KNG1: variants seen among roughly 807,000 people sequenced by gnomAD.
The protein encoded by KNG1 is kininogen 1, also known as kininogen-1.
Under a neutral mutation model 47.8 loss-of-function variants are expected in KNG1, and 23 were observed. The observed-to-expected ratio is 0.48, with a 90% CI of 0.35 to 0.68. The LOEUF is 0.68. Among genes scored for constraint, KNG1 ranks in the 30% least tolerant of loss-of-function variants. The pLI, the probability that KNG1 is intolerant of heterozygous loss-of-function variation, is 0.01. For synonymous variants in KNG1, 277 were observed against 277.0 expected, an observed-to-expected ratio of 1.00 and a Z score of 0.00; for missense variants, 762 against 790.2, an observed-to-expected ratio of 0.96 and a Z score of 0.43.
chr3:186,742,477 T>A lies in KNG1; in HGVS notation c.*146T>A. ...TAAAGAGAAGTGGTGAGACTCCCAG[T>A]GGAGACACCATCAGTCTCCACGGAC... On this transcript the variant is annotated 3_prime_UTR_variant, in exon 10 of 10. Coordinates refer to ENST00000644859, the MANE Select transcript of KNG1 (RefSeq NM_001102416.3). 1 of 1,481,542 alleles carries A rather than the reference T, an allele frequency of 6.7e-7. No individual in the cohort carries two copies. Among genetic ancestry groups the A allele is most frequent in the Non-Finnish European group, 8.9e-7 (1 of 1,123,986 alleles). The allele number at this position is 1,481,542 out of a possible 1,614,324, so 91.8% of individuals were successfully genotyped here. A position where few individuals can be genotyped will look rare whatever the true frequency, so the allele number is the denominator to read the frequency against.
chr3:186,741,565 C>T lies in KNG1; in HGVS notation c.1169C>T (p.Ser390Leu), dbSNP rs1720810759. 6.2e-7 allele frequency: 1 copy of T among 1,610,302 alleles called. No homozygotes were observed. Among genetic ancestry groups the T allele is most frequent in the Non-Finnish European group, 8.5e-7 (1 of 1,179,048 alleles). Residue 390 changes from serine to leucine, a missense_variant, in exon 10 of 10, where the codon TCA (serine) becomes TTA (leucine). Ser to Leu is a moderately radical substitution (Grantham distance 145, BLOSUM62 -2). Transcript: ENST00000644859. ...CCTCCAGGTTTTTCACCTTTCCGAT[C>T]ATCACGAATAGGGGAAATAAAAGAA... ...KRPPGFSPFR[S>L]SRIGEIKEET...
chr3:186,721,041 A>G (rs1261757755), intron 2 of KNG1, among the ~76,000 whole-genome samples: 1 of 152,010 alleles, frequency 6.6e-6, no homozygotes, highest in African/African-American at 2.4e-5. Flanking sequence ...TGCCTGCCTC[A>G]GCCTCTCAAA....
Position 186,717,523 on chromosome 3 carries a change from T to TA in KNG1, c.-19dup, listed in dbSNP as rs1010737825. 1 of 1,567,818 alleles carries TA rather than the reference T, an allele frequency of 6.4e-7. No individual in the cohort carries two copies. Among genetic ancestry groups the TA allele is most frequent in the Admixed American group, 1.7e-5 (1 of 59,948 alleles). On this transcript the variant is annotated 5_prime_UTR_variant, in exon 1 of 10. Transcript: ENST00000644859. Reference sequence around the variant, plus strand: ...CTTGGTGAAACCATCCCTCAGCTCCTAGAGGGAGATTGTTAGATCATGAAA... The same window carrying TA: ...CTTGGTGAAACCATCCCTCAGCTCCTAAGAGGGAGATTGTTAGATCATGAAA...
At chr3:186,725,543 A>AGTTTTTTTTTTTTTTTTT (rs1720336508) in intron 4 of KNG1, among the ~76,000 whole-genome samples, 3 of 87,726 alleles carry the variant, frequency 3.4e-5, no homozygotes, top group African/African-American at 4.7e-5. Flanking sequence ...CGGCCTTAGG[A>AGTTTTTTTTTTTTTTTTT]TTTTTTTTTT....
chr3:186,727,386 G>T, intron 5 of KNG1, 42 bp downstream of exon 5: 2 of 1,307,816 alleles, frequency 1.5e-6, no homozygotes, highest in Non-Finnish European at 2.2e-6. Context: ...TTAGCATTTT[G>T]TTTACATTTT....
intron 7 of KNG1, among the ~76,000 whole-genome samples, chr3:186,737,280 C>T (rs1172132281): frequency 6.6e-6 from 1 of 152,186 alleles, no homozygotes; most frequent in African/African-American, 2.4e-5. Context: ...GTTTTAACTT[C>T]TCTGAAATAC....
intron 5 of KNG1, among the ~76,000 whole-genome samples, chr3:186,731,037 G>A (rs1436680550): frequency 6.6e-6 from 1 of 151,704 alleles, no homozygotes; most frequent in East Asian, 1.9e-4. Flanking sequence ...CTATGCTTTT[G>A]AAAAATAAAA....
chr3:186,738,965 G>A lies in KNG1; in HGVS notation c.931-134G>A, dbSNP rs5030075. 2.7e-3 allele frequency: 2,056 copies of A among 753,934 alleles called. 24 individuals are homozygous for A. In the African/African-American group the frequency reaches 0.032, roughly 12 times the overall value. 46.7% of individuals were successfully genotyped at this position (753,934 alleles called of 1,614,324 possible). On this transcript the variant is annotated intron_variant, in intron 7 of 9. Coordinates refer to ENST00000644859, the MANE Select transcript of KNG1 (RefSeq NM_001102416.3). ...TGCATGCCAAGCTTTAATGCCAAAC[G>A]TGTACTTTTTTGTATGTAACTCTCT...
Position 186,743,629 on chromosome 3 carries a change from T to C in KNG1, c.*1298T>C, listed in dbSNP as rs1316013845. 8 of 1,063,996 alleles carry C rather than the reference T, an allele frequency of 7.5e-6. No individual in the cohort carries two copies. Among genetic ancestry groups the C allele is most frequent in the Non-Finnish European group, 1.2e-5 (8 of 688,186 alleles). The allele number at this position is 1,063,996 out of a possible 1,614,324, so 65.9% of individuals were successfully genotyped here. A position where few individuals can be genotyped will look rare whatever the true frequency, so the allele number is the denominator to read the frequency against. On this transcript the variant is annotated 3_prime_UTR_variant, in exon 10 of 10. Coordinates refer to ENST00000644859, the MANE Select transcript of KNG1 (RefSeq NM_001102416.3). ...CAGATGTCAGGAAAAAGTCTTACCT[T>C]GTCAACTGGTTGCTCCACTTTTTAA...
In KNG1 at chr3:186,722,468, A is replaced by T; in HGVS notation, c.338A>T (p.Lys113Met). The T allele has an allele frequency of 6.2e-7, 1 of 1,614,030 alleles. No individual in the cohort carries two copies. The highest frequency in any genetic ancestry group is 8.5e-7 in the Non-Finnish European group (1 of 1,179,940). Residue 113 changes from lysine to methionine, a missense_variant, in exon 3 of 10, where the codon AAG becomes ATG. Physicochemically the swap from Lys to Met is moderately conservative, Grantham distance 95. Coordinates refer to ENST00000644859, the MANE Select transcript of KNG1 (RefSeq NM_001102416.3). ...GGAGAATGCACGGCAACCGTGGGGA[A>T]GAGGAGCAGTACGAAATTCTCCGTG... is the stretch of plus-strand genomic sequence containing the variant. ...ATGECTATVG[K>M]RSSTKFSVAT...
chr3:186,725,208 C>T lies in KNG1; in HGVS notation c.512C>T (p.Thr171Ile). ...GGCATTCAGTACTTTAACAACAACA[C>T]TCAACATTCCTCCCTCTTCATGCTT... ...RHGIQYFNNN[T>I]QHSSLFMLNE... Residue 171 changes from threonine to isoleucine, a missense_variant, in exon 4 of 10, where the codon ACT (threonine) becomes ATT (isoleucine). Coordinates refer to ENST00000644859, the MANE Select transcript of KNG1 (RefSeq NM_001102416.3). The T allele has an allele frequency of 6.2e-7, 1 of 1,614,156 alleles. No individual in the cohort carries two copies. Among genetic ancestry groups the T allele is most frequent in the Non-Finnish European group, 8.5e-7 (1 of 1,180,026 alleles).
rs71167003 is a variant in KNG1, at chr3:186,725,543, A to ATTTTTTTTTTTTTTTTTTTT, written c.564+302_564+303insTTTTTTTTTTTTTTTTTTTT. On this transcript the variant is annotated intron_variant, in intron 4 of 9. Coordinates refer to ENST00000644859, the MANE Select transcript of KNG1 (RefSeq NM_001102416.3). ...AAGGAAAAGTCATACCGGCCTTAGG[A>ATTTTTTTTTTTTTTTTTTTT]TTTTTTTTTTTTTTTTTTTGAGACA... 2.2e-3 allele frequency among the ~76,000 whole-genome samples: 194 copies of ATTTTTTTTTTTTTTTTTTTT among 87,704 alleles called. 43 individuals carry two copies. Among genetic ancestry groups the ATTTTTTTTTTTTTTTTTTTT allele is most frequent in the African/African-American group, 3.8e-3 (81 of 21,492 alleles). The allele number at this position is 87,704 out of a possible 152,430, so 57.5% of individuals were successfully genotyped here.
At position 186,731,462 on chromosome 3, in the gene KNG1, A is replaced by G. The variant is rs1720530541; in HGVS notation, c.673-83A>G. On this transcript the variant is annotated intron_variant, in intron 5 of 9. Coordinates refer to ENST00000644859, the MANE Select transcript of KNG1 (RefSeq NM_001102416.3). ...CAATGATTTGGAAAGTACACGTCCT[A>G]TTCTTCAATTTTACTAGTTGTTTAC... 3.8e-6 allele frequency: 3 copies of G among 799,578 alleles called. No homozygotes were observed. The South Asian group carries it at 4.3e-5, about 11-fold the overall frequency. The allele number at this position is 799,578 out of a possible 1,614,324, so 49.5% of individuals were successfully genotyped here.
At chr3:186,733,026 T>A (rs1720578571) in intron 7 of KNG1, among the ~76,000 whole-genome samples, 2 of 152,080 alleles carry the variant, frequency 1.3e-5, no homozygotes, top group African/African-American at 4.8e-5. Context: ...GGCGGGTGGA[T>A]CACAAGGTCA....
At chr3:186,724,655 G>A (rs1358210740) in intron 3 of KNG1, among the ~76,000 whole-genome samples, 1 of 151,336 alleles carries the variant, frequency 6.6e-6, no homozygotes, top group Non-Finnish European at 1.5e-5. Flanking sequence ...CTGGATGTTA[G>A]TCCCTTGTGG....
rs774171070 is a variant in KNG1, at chr3:186,732,598, C to A, written c.854C>A (p.Thr285Asn). The A allele has an allele frequency of 1.2e-6, 2 of 1,613,870 alleles. No individual in the cohort carries two copies. Among genetic ancestry groups the A allele is most frequent in the African/African-American group, 2.7e-5 (2 of 74,912 alleles). The change falls in exon 7 of 10, where the codon ACC becomes AAC. Residue 285 changes from threonine to asparagine, a missense_variant. Coordinates refer to ENST00000644859, the MANE Select transcript of KNG1 (RefSeq NM_001102416.3). ...GAGCTGGAGGAGACACTGACTCACA[C>A]CATCACAAAGCTTAATGCAGAGAAT... Reference protein sequence around the residue: ...SPELEETLTHTITKLNAENNA... With the variant: ...SPELEETLTHNITKLNAENNA...
intron 5 of KNG1, chr3:186,729,143 T>C (rs1720447179): frequency 6.6e-6 from 1 of 152,172 alleles, no homozygotes; most frequent in Non-Finnish European, 1.5e-5. Flanking sequence ...ATGCAGAATA[T>C]ATAAAGAACC....
At position 186,743,710 on chromosome 3, in the gene KNG1, C is replaced by T; in HGVS notation, c.*1379C>T. On this transcript the variant is annotated 3_prime_UTR_variant, in exon 10 of 10. Coordinates refer to ENST00000644859, the MANE Select transcript of KNG1 (RefSeq NM_001102416.3). ...GCGTTTTACTATACTTACAGAGTCA[C>T]CTAAGGTCCTGCGAGTACAAGGGTC... The T allele has an allele frequency of 6.2e-7, 1 of 1,612,962 alleles. No homozygotes were observed. The highest frequency in any genetic ancestry group is 8.5e-7 in the Non-Finnish European group (1 of 1,178,962).
chr3:186,743,793 G>C lies in KNG1; in HGVS notation c.*1462G>C, dbSNP rs758585346. The stretch of plus-strand genomic sequence containing the variant: ...GAGAGGGAGGTCTCTTGACCAATGG[G>C]CAGAATCTTCACTCCAGGCACATAG... On this transcript the variant is annotated 3_prime_UTR_variant, in exon 10 of 10. Coordinates refer to ENST00000644859, the MANE Select transcript of KNG1 (RefSeq NM_001102416.3). The C allele has an allele frequency of 6.2e-7, 1 of 1,610,266 alleles. No individual in the cohort carries two copies. Among genetic ancestry groups the C allele is most frequent in the Non-Finnish European group, 8.5e-7 (1 of 1,176,512 alleles).
Sources: gnomAD v4.1 joint callset for allele counts (sites outside exome capture counted in the v4.1 genomes callset) on GRCh38, gnomAD v4.1.1 for gene constraint, MANE v1.5 for transcripts, NCBI Gene and HGNC (gene_info 2026-07-23, HGNC 2026-07-21) for gene names.